CTTNBP2: variants seen among roughly 807,000 people sequenced by gnomAD.
CTTNBP2 encodes cortactin binding protein 2.
Under a neutral mutation model 156.9 loss-of-function variants are expected in CTTNBP2, and 108 were observed. That is an observed-to-expected ratio of 0.69 (90% CI 0.59 to 0.81). The LOEUF is 0.81. Ranked by LOEUF, CTTNBP2 falls within the 30% of genes least tolerant of loss-of-function variation. CTTNBP2 has a pLI of 0.00. For missense variants in CTTNBP2, 1,924 were observed against 2,035.4 expected (o/e 0.95, Z 1.05); for synonymous variants, 767 against 751.8 (o/e 1.02, Z -0.33).
At chr7:117,748,042 C>T (rs1204920054) in intron 12 of CTTNBP2, among the ~76,000 whole-genome samples, 5 of 139,682 alleles carry the variant, frequency 3.6e-5, no homozygotes, top group Middle Eastern at 3.2e-3. Flanking sequence ...AAAAGGCTTA[C>T]GGTGGAGGTG....
At chr7:117,781,617 A>G (rs1798438962) in intron 6 of CTTNBP2, among the ~76,000 whole-genome samples, 1 of 152,236 alleles carries the variant, frequency 6.6e-6, no homozygotes, top group Non-Finnish European at 1.5e-5. Flanking sequence ...GTACACCTGT[A>G]GTCCCAGCTA....
chr7:117,791,793 C>T lies in CTTNBP2; in HGVS notation c.1403G>A (p.Ser468Asn), dbSNP rs773028409. ...AGGCGAGACATCTCTTGACGGAGGA[C>T]TTTGGGTAGTATTTCCATTTTGGTC... ...DPDQNGNTTQ[S>N]PPSRDVSPTS... Residue 468 changes from serine (S) to asparagine (N), a missense_variant, in exon 4 of 23, where the codon AGT becomes AAT. Coordinates refer to ENST00000160373, the MANE Select transcript of CTTNBP2 (RefSeq NM_033427.3). 6.2e-7 allele frequency: 1 copy of T among 1,614,168 alleles called. No individual in the cohort carries two copies. Among genetic ancestry groups the T allele is most frequent in the South Asian group, 1.1e-5 (1 of 91,082 alleles).
chr7:117,731,357 A>G (rs1795388433), intron 16 of CTTNBP2, among the ~76,000 whole-genome samples: 1 of 152,224 alleles, frequency 6.6e-6, no homozygotes, highest in Non-Finnish European at 1.5e-5. Context: ...TAACACACTG[A>G]ACACGTTTTT....
chr7:117,872,541 C>T (rs1384434432), intron 1 of CTTNBP2, among the ~76,000 whole-genome samples: 3 of 152,162 alleles, frequency 2.0e-5, no homozygotes, highest in Non-Finnish European at 2.9e-5. Context: ...CGAGTCTCTA[C>T]ACCGGAATAT....
intron 6 of CTTNBP2, among the ~76,000 whole-genome samples, chr7:117,780,820 T>C (rs1478697754): frequency 2.0e-5 from 3 of 152,226 alleles, no homozygotes; most frequent in Non-Finnish European, 4.4e-5. Flanking sequence ...CCAGGAAATT[T>C]TGAAAAGTGC....
At position 117,735,296 on chromosome 7, in the gene CTTNBP2, T is replaced by C. The variant is rs747061844; in HGVS notation, c.3661A>G (p.Thr1221Ala). 3.1e-6 allele frequency: 5 copies of C among 1,614,128 alleles called. No homozygotes were observed. The South Asian group carries it at 5.5e-5, about 18-fold the overall frequency. Residue 1221 changes from threonine (T) to alanine (A), a missense_variant, in exon 15 of 23, where the codon ACT becomes GCT. Thr to Ala is a moderately conservative substitution (Grantham distance 58, BLOSUM62 0). Transcript: ENST00000160373. ...TTTTGGAAAGTGCAGGGGCTTTCAG[T>C]GCTGCGATTTTCAAGAGGTGCCAAA... ...DFLAPLENRSTESPCTFQKGN... is the reference protein window; with the variant it reads ...DFLAPLENRSAESPCTFQKGN...
chr7:117,867,679 T>C (rs1804293223), intron 1 of CTTNBP2, among the ~76,000 whole-genome samples: 1 of 152,144 alleles, frequency 6.6e-6, no homozygotes, highest in Admixed American at 6.5e-5. Flanking sequence ...GGGAACTAAG[T>C]AACTGTATTA....
At chr7:117,739,628 C>T (rs1795888531) in intron 14 of CTTNBP2, among the ~76,000 whole-genome samples, 1 of 152,158 alleles carries the variant, frequency 6.6e-6, no homozygotes, top group Non-Finnish European at 1.5e-5. Context: ...ATTAGCATAT[C>T]GCATTTCTAG....
rs949340749 is a variant in CTTNBP2 at position 117,838,575 on chromosome 7, C to T, written c.189+22634G>A. On this transcript the variant is annotated intron_variant, in intron 2 of 22. Transcript: ENST00000160373. ...CACAGGACTAATCTGTAAAAACTAC[C>T]TCAGATATTCAAAAAATTAATAGAC... Among the ~76,000 whole-genome samples, 3 of 152,178 alleles carry T rather than the reference C, an allele frequency of 2.0e-5. No homozygotes were observed. The East Asian group carries it at 5.8e-4, about 29-fold the overall frequency.
At chr7:117,827,199 G>C (rs370144897) in intron 2 of CTTNBP2, among the ~76,000 whole-genome samples, 2 of 152,156 alleles carry the variant, frequency 1.3e-5, no homozygotes, top group African/African-American at 4.8e-5. Context: ...ACAAAATAAG[G>C]CTTCTGAAGA....
chr7:117,755,649 T>C, intron 12 of CTTNBP2: 1 of 446,278 alleles, frequency 2.2e-6, no homozygotes, highest in Non-Finnish European at 4.5e-6. Context: ...GCACTTGGCA[T>C]ATTGCCTGGC....
intron 14 of CTTNBP2, among the ~76,000 whole-genome samples, chr7:117,744,022 T>A (rs1053873000): frequency 9.2e-5 from 14 of 151,462 alleles, no homozygotes; most frequent in Non-Finnish European, 1.6e-4. Flanking sequence ...ATTTCTTTTT[T>A]AAAAAAAAAT....
chr7:117,736,384 G>A (rs925538466), intron 14 of CTTNBP2, among the ~76,000 whole-genome samples: 3 of 151,964 alleles, frequency 2.0e-5, no homozygotes, highest in Non-Finnish European at 4.4e-5. Context: ...TGAGCCCAGT[G>A]AGCTGTGACT....
chr7:117,809,825 A>G (rs1800160716), intron 3 of CTTNBP2, among the ~76,000 whole-genome samples: 1 of 152,064 alleles, frequency 6.6e-6, no homozygotes, highest in Non-Finnish European at 1.5e-5. Context: ...TACATATGAG[A>G]TATCAGAAGT....
In CTTNBP2 at chr7:117,777,561, T is replaced by C; in HGVS notation, c.2728A>G (p.Asn910Asp). 1 of 1,613,926 alleles carries C rather than the reference T, an allele frequency of 6.2e-7. No individual in the cohort carries two copies. Residue 910 changes from asparagine (N) to aspartate (D), a missense_variant, in exon 8 of 23, where the codon AAC (asparagine) becomes GAC (aspartate). By Grantham distance (23) the Asn-to-Asp change is conservative (BLOSUM62 1). Coordinates refer to ENST00000160373, the MANE Select transcript of CTTNBP2 (RefSeq NM_033427.3). ...TGGGCAGCAGTCCAGCCTTCTCTGTTGGCGTGGTTAATGAGGTCTGCAGGA... is the reference window on the plus strand; with the variant it reads ...TGGGCAGCAGTCCAGCCTTCTCTGTCGGCGTGGTTAATGAGGTCTGCAGGA... ...VVPADLINHANREGWTAAHIA... is the reference protein window; with the variant it reads ...VVPADLINHADREGWTAAHIA...
chr7:117,711,927 G>A, intron 22 of CTTNBP2, 145 bp from the exon 23 acceptor site: 1 of 729,402 alleles, frequency 1.4e-6, no homozygotes, highest in Middle Eastern at 2.5e-4. Flanking sequence ...ATGGAGAGGA[G>A]AAGCTGAGTA....
Position 117,780,589 on chromosome 7 carries a change from C to A in CTTNBP2, c.2375G>T (p.Cys792Phe). The change falls in exon 7 of 23, where the codon TGT (cysteine) becomes TTT (phenylalanine). Residue 792 changes from cysteine (C) to phenylalanine (F), a missense_variant and splice_region_variant. By Grantham distance (205) the Cys-to-Phe change is radical. Transcript: ENST00000160373. The stretch of plus-strand genomic sequence containing the variant: ...ATCATATGAAATTAATAATTCTACA[C>A]ACCTAAACACAAGATTAGGATTAAT... The part of the protein sequence containing the change: ...CAAAAQGHFE[C>F]VELLISYDAN... The A allele has an allele frequency of 2.6e-6, 4 of 1,563,624 alleles. No individual in the cohort carries two copies. Among genetic ancestry groups the A allele is most frequent in the Non-Finnish European group, 3.5e-6 (4 of 1,157,258 alleles).
intron 22 of CTTNBP2, among the ~76,000 whole-genome samples, chr7:117,714,770 C>A (rs1375236737): frequency 1.3e-5 from 2 of 152,292 alleles, no homozygotes; most frequent in Middle Eastern, 3.4e-3. Flanking sequence ...GCGTGAGCCA[C>A]AGCAATTCAA....
rs1794066879 is a variant in CTTNBP2 at position 117,711,728 on chromosome 7, T to C, written c.4801A>G (p.Lys1601Glu). ...QTTECSNSKS[K>E]TELGVSRVKS... ...ACTCTTGAAACACCCAACTCAGTCT[T>C]TGATTTACTGTTGCTGCATTCAGTA... The change falls in exon 23 of 23, where the codon AAG becomes GAG. Residue 1601 changes from lysine (K) to glutamate (E), a missense_variant. Transcript: ENST00000160373. 1 of 1,613,908 alleles carries C rather than the reference T, an allele frequency of 6.2e-7. No homozygotes were observed. The highest frequency in any genetic ancestry group is 1.3e-5 in the African/African-American group (1 of 74,922).
Sources: gnomAD v4.1 joint callset for allele counts (sites outside exome capture counted in the v4.1 genomes callset) on GRCh38, gnomAD v4.1.1 for gene constraint, MANE v1.5 for transcripts, NCBI Gene and HGNC (gene_info 2026-07-23, HGNC 2026-07-21) for gene names.